LRCH4: variants seen among roughly 807,000 people sequenced by gnomAD.
LRCH4 encodes the protein leucine rich repeats and calponin homology domain containing 4.
Under a neutral mutation model 81.2 loss-of-function variants are expected in LRCH4, and 56 were observed. The observed-to-expected ratio is 0.69, with a 90% CI of 0.56 to 0.86. The LOEUF is 0.86. Ranked by LOEUF, LRCH4 falls within the 40% of genes least tolerant of loss-of-function variation. The pLI, the probability that LRCH4 is intolerant of heterozygous loss-of-function variation, is 0.00. For missense variants in LRCH4, 895 were observed against 922.8 expected (o/e 0.97, Z 0.39); for synonymous variants, 442 against 409.7 (o/e 1.08, Z -0.95).
chr7:100,585,196 ATG>A (rs1801689233), intron 1 of LRCH4: 1 of 196,900 alleles, frequency 5.1e-6, no homozygotes, highest in African/African-American at 2.4e-5. Flanking sequence ...TAAGATCCCT[ATG>A]AGGTCACAGG....
At chr7:100,585,112 A>G (rs948493586) in intron 1 of LRCH4, 7 of 218,594 alleles carry the variant, frequency 3.2e-5, no homozygotes, top group Non-Finnish European at 6.6e-5. Context: ...CAGCTAGGAG[A>G]TAAGATTTCC....
At position 100,582,177 on chromosome 7, in the gene LRCH4, G is replaced by A. The variant is rs369082353; in HGVS notation, c.366-10C>T. On this transcript the variant is annotated splice_polypyrimidine_tract_variant and intron_variant, in intron 2 of 17. Transcript: ENST00000310300. This position sits in a 1 kb window ranked among gnomAD's most constrained non-coding sequence, Gnocchi z 5.0. Reference sequence around the variant, plus strand: ...CGACAGCTGGTTTCGGCTGTGGAAGGGAGAAAGGCAGCGGACTGGCTCCCC... The same window carrying A: ...CGACAGCTGGTTTCGGCTGTGGAAGAGAGAAAGGCAGCGGACTGGCTCCCC... 49 of 1,613,448 alleles carry A rather than the reference G, an allele frequency of 3.0e-5. No homozygotes were observed. In the African/African-American group the frequency reaches 6.3e-4, roughly 21 times the overall value.
chr7:100,574,776 G>C lies in LRCH4; in HGVS notation c.*331C>G, dbSNP rs555239576. 1.0e-5 allele frequency: 3 copies of C among 292,780 alleles called. No individual in the cohort carries two copies. The highest frequency in any genetic ancestry group is 4.6e-5 in the Admixed American group (1 of 21,628). The allele number at this position is 292,780 out of a possible 1,614,324, so 18.1% of individuals were successfully genotyped here. On this transcript the variant is annotated 3_prime_UTR_variant, in exon 18 of 18. Transcript: ENST00000310300. ...TTTAGCCCCCCCATAGCAGCTGTTG[G>C]GGGGGGAAGGGGAGGGCACAGGAGG... is the stretch of plus-strand genomic sequence containing the variant.
At position 100,575,403 on chromosome 7, in the gene LRCH4, G is replaced by A; in HGVS notation, c.1855-99C>T. 1 of 1,144,608 alleles carries A rather than the reference G, an allele frequency of 8.7e-7. No homozygotes were observed. The highest frequency in any genetic ancestry group is 1.3e-6 in the Non-Finnish European group (1 of 798,616). 70.9% of individuals were successfully genotyped at this position (1,144,608 alleles called of 1,614,324 possible). A position where few individuals can be genotyped will look rare whatever the true frequency, so the allele number is the denominator to read the frequency against. ...CCCCTGCCCTCACGTGCTGGGGCCAGAACCACGCCCACATGCTGACGTGCT... is the reference window on the plus strand; with the variant it reads ...CCCCTGCCCTCACGTGCTGGGGCCAAAACCACGCCCACATGCTGACGTGCT... On this transcript the variant is annotated intron_variant, in intron 17 of 17. Coordinates refer to ENST00000310300, the MANE Select transcript of LRCH4 (RefSeq NM_002319.5). This position sits in a 1 kb window ranked among gnomAD's most constrained non-coding sequence, Gnocchi z 5.3.
At chr7:100,581,923 G>A in intron 3 of LRCH4, 41 bp from the exon 4 acceptor site, 1 of 1,611,712 alleles carries the variant, frequency 6.2e-7, no homozygotes, top group Non-Finnish European at 8.5e-7. Context: ...ATGAGACCAG[G>A]CCCAGCAGAA....
Position 100,583,908 on chromosome 7 carries a change from C to G in LRCH4, c.221-1449G>C, listed in dbSNP as rs571010870. The G allele has an allele frequency of 2.4e-5, 7 of 296,584 alleles. No homozygotes were observed. Among genetic ancestry groups the G allele is most frequent in the Non-Finnish European group, 4.8e-5 (7 of 145,860 alleles). 18.4% of individuals were successfully genotyped at this position (296,584 alleles called of 1,614,324 possible). A position where few individuals can be genotyped will look rare whatever the true frequency, so the allele number is the denominator to read the frequency against. On this transcript the variant is annotated intron_variant, in intron 1 of 17. Coordinates refer to ENST00000310300, the MANE Select transcript of LRCH4 (RefSeq NM_002319.5). The surrounding 1 kb of genome is among the most constrained non-coding windows in gnomAD (Gnocchi z 4.3). ...CGGTGGCGGGGACAAAAGCTAGGAG[C>G]GGAAGGGAGCTCAGGCAGGAGGCAG...
chr7:100,578,346 G>A lies in LRCH4; in HGVS notation c.848+53C>T, dbSNP rs1291932195. The A allele has an allele frequency of 1.1e-5, 18 of 1,599,256 alleles. No individual in the cohort carries two copies. The highest frequency in any genetic ancestry group is 1.5e-5 in the Non-Finnish European group (17 of 1,166,900). The stretch of plus-strand genomic sequence containing the variant: ...CAGAAAGCAGGGGGTGCCTGGGGCC[G>A]GGAAGGGGCATTCAGTATCCCAGGG... On this transcript the variant is annotated intron_variant, in intron 6 of 17. Transcript: ENST00000310300. The surrounding 1 kb of genome is among the most constrained non-coding windows in gnomAD (Gnocchi z 5.7).
In LRCH4 at chr7:100,578,446, C is replaced by T. The variant is rs546028295; in HGVS notation, c.801G>A (p.Ser267=). 58 of 1,614,008 alleles carry T rather than the reference C, an allele frequency of 3.6e-5. No homozygotes were observed. Among genetic ancestry groups the T allele is most frequent in the African/African-American group, 5.3e-5 (4 of 75,038 alleles). Residue 267 remains serine, a synonymous_variant, in exon 6 of 18, where the codon TCG becomes TCA. Transcript: ENST00000310300. This position sits in a 1 kb window ranked among gnomAD's most constrained non-coding sequence, Gnocchi z 5.7. Reference sequence around the variant, plus strand: ...GAGAAGGGGCCAGGTCCCCCAGGGCCGACCCACGCTGCCCGGCCTCTGTGG... The same window carrying T: ...GAGAAGGGGCCAGGTCCCCCAGGGCTGACCCACGCTGCCCGGCCTCTGTGG... ...YLSTEAGQRG[S]ALGDLAPSRP...
At position 100,586,095 on chromosome 7, in the gene LRCH4, C is replaced by A. The variant is rs1411825217; in HGVS notation, c.6G>T (p.Ala2=). Residue 2 remains alanine (A), a synonymous_variant, in exon 1 of 18, where the codon GCG becomes GCT. Coordinates refer to ENST00000310300, the MANE Select transcript of LRCH4 (RefSeq NM_002319.5). ...CGGCGAGTGGAGCCGCTACGGCCGC[C>A]GCCATCCGCTCCCGGCGGCTCCCGC... M[A]AAVAAPLAAG... 6.6e-7 allele frequency: 1 copy of A among 1,525,878 alleles called. No homozygotes were observed. The highest frequency in any genetic ancestry group is 2.5e-5 in the East Asian group (1 of 40,020). The allele number at this position is 1,525,878 out of a possible 1,614,324, so 94.5% of individuals were successfully genotyped here. A position where few individuals can be genotyped will look rare whatever the true frequency, so the allele number is the denominator to read the frequency against.
At chr7:100,580,818 CACATGCACAGACACACAG>C (rs879657738) in intron 4 of LRCH4, 2,506 of 152,108 alleles carry the variant, frequency 0.016, 28 homozygotes, top group Non-Finnish European at 0.024. Flanking sequence ...CACATAGACA[CACATGCACAGACACACAG>C]ACACATGCAC....
Position 100,575,432 on chromosome 7 carries a change from C to G in LRCH4, c.1855-128G>C, listed in dbSNP as rs757650494. The G allele has an allele frequency of 9.5e-6, 9 of 952,328 alleles. No individual in the cohort carries two copies. The highest frequency in any genetic ancestry group is 1.5e-5 in the Non-Finnish European group (9 of 618,282). The allele number at this position is 952,328 out of a possible 1,614,324, so 59.0% of individuals were successfully genotyped here. ...CACGCCCACATGCTGACGTGCTGGG[C>G]AGGGGGAGTGCAGTGCAGGAGGAGT... On this transcript the variant is annotated intron_variant, in intron 17 of 17. Coordinates refer to ENST00000310300, the MANE Select transcript of LRCH4 (RefSeq NM_002319.5). The surrounding 1 kb of genome is among the most constrained non-coding windows in gnomAD (Gnocchi z 5.3).
rs766819340 is a variant in LRCH4 at position 100,578,632 on chromosome 7, C to G, written c.735+18G>C. 4 of 1,611,206 alleles carry G rather than the reference C, an allele frequency of 2.5e-6. No homozygotes were observed. The Admixed American group carries it at 6.7e-5, about 27-fold the overall frequency. On this transcript the variant is annotated intron_variant, in intron 5 of 17. Coordinates refer to ENST00000310300, the MANE Select transcript of LRCH4 (RefSeq NM_002319.5). This position sits in a 1 kb window ranked among gnomAD's most constrained non-coding sequence, Gnocchi z 5.7. Reference sequence around the variant, plus strand: ...AGCCACACCCCTGTCCTCGTGGCCCCCCAGGCACCCGCCTCACCTGGGCAG... The same window carrying G: ...AGCCACACCCCTGTCCTCGTGGCCCGCCAGGCACCCGCCTCACCTGGGCAG...
intron 4 of LRCH4, 92 bp downstream of exon 4, chr7:100,581,685 G>T: frequency 1.9e-6 from 2 of 1,041,772 alleles, no homozygotes; most frequent in Non-Finnish European, 2.9e-6. Flanking sequence ...CCATGTATAA[G>T]CTACCCGGTC....
chr7:100,576,738 C>T lies in LRCH4; in HGVS notation c.1508G>A (p.Arg503Lys), dbSNP rs774801531. Reference sequence around the variant, plus strand: ...GGAACGGAAGAGGAAGCTGTTTGGTCTCTGAATGGAGCCAAGTGGCCGTGG... The same window carrying T: ...GGAACGGAAGAGGAAGCTGTTTGGTTTCTGAATGGAGCCAAGTGGCCGTGG... ...PAPRPLGSIQ[R>K]PNSFLFRSSS... Residue 503 changes from arginine (R) to lysine (K), a missense_variant, in exon 14 of 18, where the codon AGA (arginine) becomes AAA (lysine). Physicochemically the swap from Arg to Lys is conservative, Grantham distance 26. Coordinates refer to ENST00000310300, the MANE Select transcript of LRCH4 (RefSeq NM_002319.5). The T allele has an allele frequency of 5.6e-6, 9 of 1,598,874 alleles. No homozygotes were observed. Among genetic ancestry groups the T allele is most frequent in the East Asian group, 2.3e-5 (1 of 44,294 alleles).
Position 100,578,128 on chromosome 7 carries a change from C to T in LRCH4, c.948+31G>A, listed in dbSNP as rs759209280. 6.2e-7 allele frequency: 1 copy of T among 1,602,500 alleles called. No homozygotes were observed. The highest frequency in any genetic ancestry group is 8.6e-7 in the Non-Finnish European group (1 of 1,169,466). On this transcript the variant is annotated intron_variant, in intron 7 of 17. Transcript: ENST00000310300. The surrounding 1 kb of genome is among the most constrained non-coding windows in gnomAD (Gnocchi z 5.7). ...AGAGGTGCTCTCCCAGGGCTGACACCCTCAATCACCCATGGACAGGACGCC... is the reference window on the plus strand; with the variant it reads ...AGAGGTGCTCTCCCAGGGCTGACACTCTCAATCACCCATGGACAGGACGCC...
At position 100,582,229 on chromosome 7, in the gene LRCH4, C is replaced by T. The variant is rs1319779213; in HGVS notation, c.366-62G>A. The T allele has an allele frequency of 1.2e-6, 2 of 1,613,352 alleles. No individual in the cohort carries two copies. The highest frequency in any genetic ancestry group is 1.7e-6 in the Non-Finnish European group (2 of 1,179,792). The stretch of plus-strand genomic sequence containing the variant: ...GGCATGGCATCCCAGCACTGCCATC[C>T]TCTCGGGGTCACTGGGTGGGTCACT... On this transcript the variant is annotated intron_variant, in intron 2 of 17. Coordinates refer to ENST00000310300, the MANE Select transcript of LRCH4 (RefSeq NM_002319.5). This position sits in a 1 kb window ranked among gnomAD's most constrained non-coding sequence, Gnocchi z 5.0.
chr7:100,575,512 G>A lies in LRCH4; in HGVS notation c.1854+193C>T, dbSNP rs532616180. 5 of 858,602 alleles carry A rather than the reference G, an allele frequency of 5.8e-6. No homozygotes were observed. The highest frequency in any genetic ancestry group is 5.4e-5 in the Admixed American group (3 of 55,378). 53.2% of individuals were successfully genotyped at this position (858,602 alleles called of 1,614,324 possible). A position where few individuals can be genotyped will look rare whatever the true frequency, so the allele number is the denominator to read the frequency against. ...CATGCAGGACAAGATGGGGCCTGCA[G>A]GGCAGGGGATGTGTAGGACAGGTGA... On this transcript the variant is annotated intron_variant, in intron 17 of 17. Coordinates refer to ENST00000310300, the MANE Select transcript of LRCH4 (RefSeq NM_002319.5). The surrounding 1 kb of genome is among the most constrained non-coding windows in gnomAD (Gnocchi z 5.3).
intron 4 of LRCH4, 169 bp downstream of exon 4, chr7:100,581,608 G>A (rs1387006549): frequency 1.7e-6 from 1 of 602,266 alleles, no homozygotes; most frequent in African/African-American, 1.9e-5. Flanking sequence ...CACCCTGCCA[G>A]AAGCTGACCA....
chr7:100,575,015 G>C lies in LRCH4; in HGVS notation c.*92C>G, dbSNP rs1801298865. ...GGGGGTGCACTAGTGTCTTTGGTTG[G>C]GGCTGAAGGCACCGCAGGTGGGGTC... is the stretch of plus-strand genomic sequence containing the variant. On this transcript the variant is annotated 3_prime_UTR_variant, in exon 18 of 18. Transcript: ENST00000310300. The surrounding 1 kb of genome is among the most constrained non-coding windows in gnomAD (Gnocchi z 5.3). 2 of 1,234,642 alleles carry C rather than the reference G, an allele frequency of 1.6e-6. No homozygotes were observed. The highest frequency in any genetic ancestry group is 1.5e-5 in the African/African-American group (1 of 66,090). The allele number at this position is 1,234,642 out of a possible 1,614,324, so 76.5% of individuals were successfully genotyped here.
Sources: allele counts gnomAD v4.1 joint callset, GRCh38; gene constraint gnomAD v4.1.1; non-coding constraint Gnocchi (gnomAD v3.1); transcripts MANE v1.5; gene names NCBI Gene and HGNC (gene_info 2026-07-23, HGNC 2026-07-21).